ROBO1: variants seen among roughly 807,000 people sequenced by gnomAD.
ROBO1 encodes the protein roundabout guidance receptor 1.
In ROBO1, 149 loss-of-function variants were observed where a neutral mutation model predicts 195.9. The ratio of observed to expected loss-of-function variants is 0.76; its 90% CI spans 0.67 to 0.87. The LOEUF is 0.87. Ranked by LOEUF, ROBO1 falls within the 40% of genes least tolerant of loss-of-function variation. ROBO1 has a pLI of 0.00. For missense variants in ROBO1, 1,933 were observed against 2,068.3 expected (o/e 0.93, Z 1.27); for synonymous variants, 816 against 733.2 (o/e 1.11, Z -1.82).
chr3:78,654,143 G>T (rs1706849631), intron 18 of ROBO1, among the ~76,000 whole-genome samples: 1 of 152,088 alleles, frequency 6.6e-6, no homozygotes, highest in Non-Finnish European at 1.5e-5. Flanking sequence ...CTTATTAAAT[G>T]ACATTGCATC....
chr3:78,804,950 G>A (rs955102008), intron 4 of ROBO1, among the ~76,000 whole-genome samples: 1 of 152,048 alleles, frequency 6.6e-6, no homozygotes, highest in Non-Finnish European at 1.5e-5. Flanking sequence ...TGAAGGTTCA[G>A]TTTAAAGAAT....
intron 3 of ROBO1, among the ~76,000 whole-genome samples, chr3:79,069,322 A>G (rs1239028795): frequency 6.6e-6 from 1 of 151,766 alleles, no homozygotes; most frequent in Non-Finnish European, 1.5e-5. Flanking sequence ...GGAACCTGTC[A>G]TTTCAGATTG....
Position 79,557,739 on chromosome 3 carries a change from A to ATAT in ROBO1, c.88+32084_88+32085insATA, listed in dbSNP as rs1273371706. ...CAGAGCGAGACTGTCTTAAAACAAA[A>ATAT]AAAAATATATATATATATATATATA... is the stretch of plus-strand genomic sequence containing the variant. On this transcript the variant is annotated intron_variant, in intron 2 of 30. Transcript: ENST00000464233. Among the ~76,000 whole-genome samples the ATAT allele has an allele frequency of 1.9e-3, 261 of 140,074 alleles. 2 individuals are homozygous for ATAT. The highest frequency in any genetic ancestry group is 0.015 in the Middle Eastern group (4 of 264). The allele number at this position is 140,074 out of a possible 152,430, so 91.9% of individuals were successfully genotyped here.
At chr3:79,201,160 C>G (rs1341582706) in intron 2 of ROBO1, among the ~76,000 whole-genome samples, 2 of 151,914 alleles carry the variant, frequency 1.3e-5, no homozygotes, top group African/African-American at 4.8e-5. Flanking sequence ...TAAAAACCAT[C>G]TAATAGTTTT....
intron 3 of ROBO1, among the ~76,000 whole-genome samples, chr3:79,019,714 C>T (rs1419754606): frequency 6.6e-6 from 1 of 152,082 alleles, no homozygotes; most frequent in Non-Finnish European, 1.5e-5. Context: ...TCTCGCCACC[C>T]CTAGCTCCCC....
At chr3:78,840,095 T>C (rs1332887526) in intron 4 of ROBO1, among the ~76,000 whole-genome samples, 1 of 152,224 alleles carries the variant, frequency 6.6e-6, no homozygotes, top group African/African-American at 2.4e-5. Context: ...GCCAATGCTT[T>C]CATTTTGGCT....
intron 2 of ROBO1, among the ~76,000 whole-genome samples, chr3:79,512,304 T>C (rs964088069): frequency 6.6e-6 from 1 of 152,218 alleles, no homozygotes; most frequent in Non-Finnish European, 1.5e-5. Context: ...CCCAGTATTA[T>C]GCTGTATTTA....
intron 1 of ROBO1, among the ~76,000 whole-genome samples, chr3:79,718,067 G>T (rs556958659): frequency 5.9e-5 from 9 of 151,936 alleles, no homozygotes; most frequent in African/African-American, 2.2e-4. Flanking sequence ...GAGTTTCAGG[G>T]GATTGTAGTT....
intron 2 of ROBO1, among the ~76,000 whole-genome samples, chr3:79,149,758 C>T (rs936848873): frequency 2.0e-5 from 3 of 151,608 alleles, no homozygotes; most frequent in Non-Finnish European, 2.9e-5. Context: ...TTTTTTCCAC[C>T]TTTAAGTGGG....
chr3:79,636,321 A>C (rs2108048139), intron 1 of ROBO1, among the ~76,000 whole-genome samples: 1 of 152,274 alleles, frequency 6.6e-6, no homozygotes, highest in East Asian at 1.9e-4. Context: ...GTGTATATAT[A>C]CTAGAGAAAC....
At chr3:79,073,335 G>T (rs1045096326) in intron 3 of ROBO1, among the ~76,000 whole-genome samples, 1 of 151,832 alleles carries the variant, frequency 6.6e-6, no homozygotes, top group Non-Finnish European at 1.5e-5. Flanking sequence ...AGTTGCATGA[G>T]GCCATACTAT....
intron 8 of ROBO1, among the ~76,000 whole-genome samples, chr3:78,695,163 A>G (rs1454748932): frequency 6.6e-6 from 1 of 151,810 alleles, no homozygotes; most frequent in Non-Finnish European, 1.5e-5. Context: ...AGATACACCT[A>G]ATGTAAATGA....
intron 2 of ROBO1, among the ~76,000 whole-genome samples, chr3:79,526,850 T>C (rs1941453827): frequency 6.6e-6 from 1 of 152,324 alleles, no homozygotes; most frequent in East Asian, 1.9e-4. Flanking sequence ...TAAAATCAGT[T>C]GTTAATAAAA....
At chr3:79,573,371 T>C (rs1394388840) in intron 2 of ROBO1, among the ~76,000 whole-genome samples, 3 of 152,112 alleles carry the variant, frequency 2.0e-5, no homozygotes, top group Non-Finnish European at 4.4e-5. Context: ...AAAATCAGTG[T>C]AGAAAACAAA....
At chr3:78,631,060 T>C in intron 25 of ROBO1, 101 bp downstream of exon 25, 1 of 1,245,882 alleles carries the variant, frequency 8.0e-7, no homozygotes, top group Non-Finnish European at 1.1e-6. Flanking sequence ...TTGTGGACCT[T>C]AGGAATCAGT....
intron 26 of ROBO1, among the ~76,000 whole-genome samples, chr3:78,624,608 C>T (rs1447876133): frequency 2.6e-5 from 4 of 152,054 alleles, no homozygotes; most frequent in African/African-American, 7.2e-5. Flanking sequence ...CCATAGTATC[C>T]GATTCCATTC....
intron 1 of ROBO1, among the ~76,000 whole-genome samples, chr3:79,614,268 C>T (rs983147741): frequency 1.3e-5 from 2 of 151,946 alleles, no homozygotes; most frequent in South Asian, 4.1e-4. Context: ...AAAACTCAAA[C>T]TTAAAAGAAT....
At chr3:78,887,320 G>A (rs2036625610) in intron 4 of ROBO1, among the ~76,000 whole-genome samples, 1 of 152,146 alleles carries the variant, frequency 6.6e-6, no homozygotes, top group Admixed American at 6.5e-5. Flanking sequence ...GAGAGGACTG[G>A]ATGAAATCCA....
intron 4 of ROBO1, among the ~76,000 whole-genome samples, chr3:78,860,324 ATATT>A (rs1474095238): frequency 3.2e-4 from 19 of 59,872 alleles, no homozygotes; most frequent in African/African-American, 1.2e-3. Flanking sequence ...ATATATATAT[ATATT>A]TTTTTTTTTT....
Sources: gnomAD v4.1 joint callset for allele counts (sites outside exome capture counted in the v4.1 genomes callset) on GRCh38, gnomAD v4.1.1 for gene constraint, MANE v1.5 for transcripts, NCBI Gene and HGNC (gene_info 2026-07-23, HGNC 2026-07-21) for gene names.